Variants in CELSR1 observed in about 807,000 individuals in gnomAD.
CELSR1 encodes the protein adhesion G protein-coupled receptor C1.
A neutral mutation model predicts 249.1 loss-of-function variants in CELSR1; 110 were observed. That is an observed-to-expected ratio of 0.44 (90% CI 0.38 to 0.52). The LOEUF is 0.52. CELSR1 is among the 20% of genes least tolerant of loss of function. The pLI, the probability that CELSR1 is intolerant of heterozygous loss-of-function variation, is 0.00. For missense variants in CELSR1, 4,109 were observed against 4,296.4 expected (o/e 0.96, Z 1.22); for synonymous variants, 2,113 against 1,900.0 (o/e 1.11, Z -2.92).
Position 46,416,624 on chromosome 22 carries a change from T to C in CELSR1, c.4612-4865A>G, listed in dbSNP as rs2079404949. Among the ~76,000 whole-genome samples, 3 of 152,158 alleles carry C rather than the reference T, an allele frequency of 2.0e-5. No homozygotes were observed. The South Asian group carries it at 6.2e-4, about 32-fold the overall frequency. The stretch of plus-strand genomic sequence containing the variant: ...CAGCAAGGAAAAGCCACATGCTCAC[T>C]CCTGCAGCCACCTGAGAAAAAACCT... On this transcript the variant is annotated intron_variant, in intron 5 of 34. Coordinates refer to ENST00000674500, the MANE Select transcript of CELSR1 (RefSeq NM_001378328.1).
intron 18 of CELSR1, 59 bp from the exon 19 acceptor site, chr22:46,386,644 G>A: frequency 7.1e-7 from 1 of 1,417,794 alleles, no homozygotes; most frequent in Non-Finnish European, 9.4e-7. Flanking sequence ...GTGGGACGGA[G>A]GGACACCTGC....
rs550036171 is a variant in CELSR1, at chr22:46,505,093, T to A, written c.3544+28534A>T. Among the ~76,000 whole-genome samples the A allele has an allele frequency of 3.9e-5, 6 of 151,946 alleles. No individual in the cohort carries two copies. In the South Asian group the frequency reaches 1.2e-3, roughly 32 times the overall value. ...CTGGCTAACACGGTGAAACCCCGTCTCTATTAAAAATACAAAAAATCAGCA... is the reference window on the plus strand; with the variant it reads ...CTGGCTAACACGGTGAAACCCCGTCACTATTAAAAATACAAAAAATCAGCA... On this transcript the variant is annotated intron_variant, in intron 1 of 34. Coordinates refer to ENST00000674500, the MANE Select transcript of CELSR1 (RefSeq NM_001378328.1).
At position 46,464,503 on chromosome 22, in the gene CELSR1, C is replaced by T. The variant is rs891942020; in HGVS notation, c.3545-158G>A. ...CCCACCCATGACCACCACCTTGACC[C>T]TTCCTCCTTCAGCACCCTGGCCCCT... is the stretch of plus-strand genomic sequence containing the variant. On this transcript the variant is annotated intron_variant, in intron 1 of 34. Coordinates refer to ENST00000674500, the MANE Select transcript of CELSR1 (RefSeq NM_001378328.1). The surrounding 1 kb of genome is among the most constrained non-coding windows in gnomAD (Gnocchi z 8.5). Among the ~76,000 whole-genome samples, 3 of 150,792 alleles carry T rather than the reference C, an allele frequency of 2.0e-5. No homozygotes were observed. The highest frequency in any genetic ancestry group is 7.4e-5 in the African/African-American group (3 of 40,806).
intron 14 of CELSR1, among the ~76,000 whole-genome samples, chr22:46,392,666 C>G (rs2079106228): frequency 6.6e-6 from 1 of 152,274 alleles, no homozygotes; most frequent in East Asian, 1.9e-4. Flanking sequence ...AAGTGATCCT[C>G]CCACCTCAGC....
At chr22:46,418,812 T>TTTGTGTGATTTC (rs2079432618) in intron 5 of CELSR1, among the ~76,000 whole-genome samples, 3 of 152,250 alleles carry the variant, frequency 2.0e-5, no homozygotes, top group African/African-American at 7.2e-5. Flanking sequence ...ACACAAAGCC[T>TTTGTGTGATTTC]TTTATTTCTC....
In CELSR1 at chr22:46,534,732, G is replaced by C; in HGVS notation, c.2439C>G (p.Ala813=). The change falls in exon 1 of 35, where the codon GCC becomes GCG. Residue 813 remains alanine (A), a synonymous_variant. Transcript: ENST00000674500. This position sits in a 1 kb window ranked among gnomAD's most constrained non-coding sequence, Gnocchi z 9.7. ...PVGTSIATLS[A]NDEDTGENAR... ...CATTCTCTCCTGTGTCCTCATCGTT[G>C]GCACTGAGGGTAGCAATGGAGGTGC... The C allele has an allele frequency of 6.2e-7, 1 of 1,613,182 alleles. No homozygotes were observed. The highest frequency in any genetic ancestry group is 8.5e-7 in the Non-Finnish European group (1 of 1,180,026).
intron 25 of CELSR1, among the ~76,000 whole-genome samples, chr22:46,371,867 A>G (rs991793517): frequency 2.3e-5 from 2 of 85,962 alleles, no homozygotes; most frequent in African/African-American, 1.7e-4. Flanking sequence ...CACTTATCCA[A>G]TCCATCCATC....
rs749493636 is a variant in CELSR1, at chr22:46,535,962, G to A, written c.1209C>T (p.Asn403=). The A allele has an allele frequency of 1.3e-5, 21 of 1,610,232 alleles. 1 individual carries two copies. The highest frequency in any genetic ancestry group is 8.9e-5 in the East Asian group (4 of 44,886). Residue 403 remains asparagine, a synonymous_variant, in exon 1 of 35, where the codon AAC becomes AAT. Coordinates refer to ENST00000674500, the MANE Select transcript of CELSR1 (RefSeq NM_001378328.1). ...LGGAWDVFQL[N]ESSGVVSTRA... ...GTGTGCTCACCACGCCAGAGCTCTCGTTGAGCTGGAAGACGTCCCACGCGC... is the reference window on the plus strand; with the variant it reads ...GTGTGCTCACCACGCCAGAGCTCTCATTGAGCTGGAAGACGTCCCACGCGC...
At position 46,440,804 on chromosome 22, in the gene CELSR1, G is replaced by A. The variant is rs368019951; in HGVS notation, c.4184-1393C>T. On this transcript the variant is annotated intron_variant, in intron 2 of 34. Coordinates refer to ENST00000674500, the MANE Select transcript of CELSR1 (RefSeq NM_001378328.1). This position sits in a 1 kb window ranked among gnomAD's most constrained non-coding sequence, Gnocchi z 4.7. ...CCCCACAGAAATTTTTTGTCTGTAT[G>A]TGATCATATTTATCCATTTTTTTCT... is the stretch of plus-strand genomic sequence containing the variant. Among the ~76,000 whole-genome samples the A allele has an allele frequency of 4.6e-5, 7 of 152,242 alleles. No individual in the cohort carries two copies. Among genetic ancestry groups the A allele is most frequent in the African/African-American group, 1.7e-4 (7 of 41,532 alleles).
chr22:46,534,072 C>T lies in CELSR1; in HGVS notation c.3099G>A (p.Gln1033=), dbSNP rs999716874. 1 of 1,613,758 alleles carries T rather than the reference C, an allele frequency of 6.2e-7. No homozygotes were observed. The highest frequency in any genetic ancestry group is 8.5e-7 in the Non-Finnish European group (1 of 1,180,034). ...CCCCTTCCACAATCTGATACATGAT[C>T]TGGGCATTAGGGCCTTCATCAGGGT... The part of the protein sequence containing the change: ...ANDPDEGPNA[Q]IMYQIVEGDM... The change falls in exon 1 of 35, where the codon CAG becomes CAA. Residue 1033 remains glutamine (Q), a synonymous_variant. Transcript: ENST00000674500. This position sits in a 1 kb window ranked among gnomAD's most constrained non-coding sequence, Gnocchi z 9.7.
intron 1 of CELSR1, among the ~76,000 whole-genome samples, chr22:46,494,956 C>G (rs780761425): frequency 3.3e-5 from 5 of 152,194 alleles, no homozygotes; most frequent in Non-Finnish European, 7.3e-5. Context: ...AAAAACAGTA[C>G]AATCGTGCAT....
At chr22:46,495,288 A>C (rs2080402807) in intron 1 of CELSR1, among the ~76,000 whole-genome samples, 2 of 152,248 alleles carry the variant, frequency 1.3e-5, no homozygotes, top group African/African-American at 4.8e-5. Context: ...GAGTACTGTA[A>C]GCAACTGTAA....
chr22:46,507,514 A>G (rs1363080983), intron 1 of CELSR1, among the ~76,000 whole-genome samples: 3 of 151,978 alleles, frequency 2.0e-5, no homozygotes, highest in African/African-American at 7.3e-5. Flanking sequence ...CAGGTGGGCT[A>G]TACTCGGTGT....
In CELSR1 at chr22:46,468,483, T is replaced by G. The variant is rs747704235; in HGVS notation, c.3545-4138A>C. 1.7e-4 allele frequency among the ~76,000 whole-genome samples: 26 copies of G among 152,138 alleles called. No homozygotes were observed. The highest frequency in any genetic ancestry group is 2.8e-4 in the Non-Finnish European group (19 of 68,030). On this transcript the variant is annotated intron_variant, in intron 1 of 34. Transcript: ENST00000674500. This position sits in a 1 kb window ranked among gnomAD's most constrained non-coding sequence, Gnocchi z 4.5. Reference sequence around the variant, plus strand: ...CACACGCTACAACATGGATGTACCTTGAGGACGTGATGCTCACTGCAATAA... The same window carrying G: ...CACACGCTACAACATGGATGTACCTGGAGGACGTGATGCTCACTGCAATAA...
chr22:46,363,009 G>T lies in CELSR1; in HGVS notation c.*214C>A. 1.0e-6 allele frequency: 1 copy of T among 952,612 alleles called. No homozygotes were observed. The highest frequency in any genetic ancestry group is 1.6e-6 in the Non-Finnish European group (1 of 629,410). The allele number at this position is 952,612 out of a possible 1,614,324, so 59.0% of individuals were successfully genotyped here. A position where few individuals can be genotyped will look rare whatever the true frequency, so the allele number is the denominator to read the frequency against. On this transcript the variant is annotated 3_prime_UTR_variant, in exon 35 of 35. Transcript: ENST00000674500. This position sits in a 1 kb window ranked among gnomAD's most constrained non-coding sequence, Gnocchi z 4.3. Reference sequence around the variant, plus strand: ...TGGCACTTGTCACCAGGTCTGACAGGCCCTGAGCTCCTGGGAGAACCAAGA... The same window carrying T: ...TGGCACTTGTCACCAGGTCTGACAGTCCCTGAGCTCCTGGGAGAACCAAGA...
At chr22:46,462,789 C>T (rs559588868) in intron 2 of CELSR1, 12 of 351,372 alleles carry the variant, frequency 3.4e-5, no homozygotes, top group African/African-American at 1.6e-4. Flanking sequence ...GTTTCTGTAC[C>T]GCTCTCGGGG....
At position 46,381,983 on chromosome 22, in the gene CELSR1, G is replaced by C; in HGVS notation, c.6951C>G (p.Thr2317=). 6.4e-7 allele frequency: 1 copy of C among 1,565,868 alleles called. No homozygotes were observed. Among genetic ancestry groups the C allele is most frequent in the Non-Finnish European group, 8.6e-7 (1 of 1,157,660 alleles). Residue 2317 remains threonine (T), a synonymous_variant, in exon 21 of 35, where the codon ACC becomes ACG. Coordinates refer to ENST00000674500, the MANE Select transcript of CELSR1 (RefSeq NM_001378328.1). The surrounding 1 kb of genome is among the most constrained non-coding windows in gnomAD (Gnocchi z 6.0). ...TPQTTRPGPG[T]EREAPISRRR... ...GCCTGCTGATCGGGGCCTCCCTCTC[G>C]GTGCCAGGCCCCGGGCGCGTGGTCT...
At chr22:46,373,718 A>C (rs549218753) in intron 24 of CELSR1, among the ~76,000 whole-genome samples, 2 of 124,178 alleles carry the variant, frequency 1.6e-5, no homozygotes, top group Middle Eastern at 3.5e-3. Context: ...GAGATGGGGG[A>C]GATGGGAGCA....
rs892507904 is a variant in CELSR1 at position 46,428,805 on chromosome 22, C to T, written c.4611+4588G>A. Among the ~76,000 whole-genome samples the T allele has an allele frequency of 5.3e-5, 8 of 152,208 alleles. No homozygotes were observed. The highest frequency in any genetic ancestry group is 3.9e-4 in the Admixed American group (6 of 15,290). On this transcript the variant is annotated intron_variant, in intron 5 of 34. Coordinates refer to ENST00000674500, the MANE Select transcript of CELSR1 (RefSeq NM_001378328.1). This position sits in a 1 kb window ranked among gnomAD's most constrained non-coding sequence, Gnocchi z 5.7. ...ACTGCCTCACTGCACAGCTCACTCA[C>T]GGGTCCCCAGCGGGCCACACTGCCT... is the stretch of plus-strand genomic sequence containing the variant.
Sources: gnomAD v4.1 joint callset for allele counts (sites outside exome capture counted in the v4.1 genomes callset) on GRCh38, gnomAD v4.1.1 for gene constraint, Gnocchi (gnomAD v3.1) non-coding constraint, MANE v1.5 for transcripts, NCBI Gene and HGNC (gene_info 2026-07-23, HGNC 2026-07-21) for gene names.